REXO1: variants seen among roughly 807,000 people sequenced by gnomAD.
REXO1 encodes REX1, RNA exonuclease 1 homolog.
A neutral mutation model predicts 102.6 loss-of-function variants in REXO1; 42 were observed. That is an observed-to-expected ratio of 0.41 (90% CI 0.32 to 0.53). The LOEUF (loss-of-function observed/expected upper bound fraction) is 0.53. REXO1 is among the 20% of genes least tolerant of loss of function. The pLI, the probability that REXO1 is intolerant of heterozygous loss-of-function variation, is 0.27. For missense variants in REXO1, 1,819 were observed against 1,732.5 expected (o/e 1.05, Z -0.89); for synonymous variants, 908 against 779.1 (o/e 1.17, Z -2.76).
rs1224669908 is a variant in REXO1 at position 1,820,260 on chromosome 19, T to G, written c.2526+4A>C. 6.2e-7 allele frequency: 1 copy of G among 1,611,734 alleles called. No homozygotes were observed. The highest frequency in any genetic ancestry group is 8.5e-7 in the Non-Finnish European group (1 of 1,178,996). ...CCGGCCAGATAGGAACTCCAGGACC[T>G]CACCTTCTCTATGGCCTCCTGGTTG... On this transcript the variant is annotated splice_donor_region_variant and intron_variant, in intron 6 of 15. Coordinates refer to ENST00000170168, the MANE Select transcript of REXO1 (RefSeq NM_020695.4).
rs1371563623 is a variant in REXO1 at position 1,828,585 on chromosome 19, C to G, written c.204G>C (p.Ala68=). 6 of 1,603,422 alleles carry G rather than the reference C, an allele frequency of 3.7e-6. No homozygotes were observed. In the East Asian group the frequency reaches 1.1e-4, roughly 30 times the overall value. The stretch of plus-strand genomic sequence containing the variant: ...GGCCCAGGGTGCCATTCTCCCTCTG[C>G]GCGGGGGGCTTGGGCAGCTCAGGGT... ...PYNPELPKPP[A]QRENGTLGLG... is the part of the protein sequence containing the mutation. Residue 68 remains alanine, a synonymous_variant, in exon 2 of 16, where the codon GCG becomes GCC. Transcript: ENST00000170168.
intron 1 of REXO1, among the ~76,000 whole-genome samples, chr19:1,842,840 G>A (rs1199234346): frequency 6.6e-6 from 1 of 152,198 alleles, no homozygotes; most frequent in Non-Finnish European, 1.5e-5. Context: ...CATTTCCCCA[G>A]GCCAGAAAAT....
chr19:1,827,260 T>C lies in REXO1; in HGVS notation c.1529A>G (p.Lys510Arg). 1.3e-6 allele frequency: 2 copies of C among 1,558,948 alleles called. No individual in the cohort carries two copies. The highest frequency in any genetic ancestry group is 1.7e-6 in the Non-Finnish European group (2 of 1,159,066). The part of the protein sequence containing the change: ...LDEGASQDAP[K>R]LKKRALSHAD... ...GTGGCTCAGGGCCCGCTTCTTCAGC[T>C]TGGGGGCGTCCTGGGAGGCGCCCTC... The change falls in exon 2 of 16, where the codon AAG becomes AGG. Residue 510 changes from lysine (K) to arginine (R), a missense_variant. Transcript: ENST00000170168.
chr19:1,841,717 G>T (rs553491242), intron 1 of REXO1, among the ~76,000 whole-genome samples: 1 of 152,034 alleles, frequency 6.6e-6, no homozygotes. Context: ...CAGGGCTCTG[G>T]GGGGAGCGCT....
Position 1,827,245 on chromosome 19 carries a change from G to A in REXO1, c.1544C>T (p.Ala515Val), listed in dbSNP as rs931464944. ...CCCAAAGAGGTCGGCGTGGCTCAGGGCCCGCTTCTTCAGCTTGGGGGCGTC... is the reference window on the plus strand; with the variant it reads ...CCCAAAGAGGTCGGCGTGGCTCAGGACCCGCTTCTTCAGCTTGGGGGCGTC... Reference protein sequence around the residue: ...SQDAPKLKKRALSHADLFGDE... With the variant: ...SQDAPKLKKRVLSHADLFGDE... Residue 515 changes from alanine to valine, a missense_variant, in exon 2 of 16, where the codon GCC (alanine) becomes GTC (valine). Transcript: ENST00000170168. 19 of 1,553,352 alleles carry A rather than the reference G, an allele frequency of 1.2e-5. No individual in the cohort carries two copies. Among genetic ancestry groups the A allele is most frequent in the African/African-American group, 5.4e-5 (4 of 73,422 alleles).
At chr19:1,830,716 G>A (rs928839710) in intron 1 of REXO1, 1 of 244,426 alleles carries the variant, frequency 4.1e-6, no homozygotes, top group Non-Finnish European at 8.6e-6. Flanking sequence ...CCGTCACTGA[G>A]GGGGCCATGG....
rs147725458 is a variant in REXO1, at chr19:1,816,760, G to A, written c.3255C>T (p.Asp1085=). 177 of 1,611,442 alleles carry A rather than the reference G, an allele frequency of 1.1e-4. No homozygotes were observed. Among genetic ancestry groups the A allele is most frequent in the Middle Eastern group, 3.3e-4 (2 of 6,082 alleles). Reference sequence around the variant, plus strand: ...CGAAGGTGTCATAAACCACGTGCACGTCCGTGTCGACCACCGTGACGCGCG... The same window carrying A: ...CGAAGGTGTCATAAACCACGTGCACATCCGTGTCGACCACCGTGACGCGCG... ...ELTRVTVVDT[D]VHVVYDTFVK... is the part of the protein sequence containing the mutation. Residue 1085 remains aspartate, a synonymous_variant, in exon 13 of 16, where the codon GAC becomes GAT. Transcript: ENST00000170168.
chr19:1,820,918 G>A (rs538971408), intron 5 of REXO1, among the ~76,000 whole-genome samples: 137 of 151,964 alleles, frequency 9.0e-4, no homozygotes, highest in Middle Eastern at 3.4e-3. Flanking sequence ...AGGATCACTT[G>A]AGCCCAGGAG....
chr19:1,834,433 TG>T (rs1045646833), intron 1 of REXO1, among the ~76,000 whole-genome samples: 4 of 152,096 alleles, frequency 2.6e-5, no homozygotes, highest in African/African-American at 9.7e-5. Flanking sequence ...CTTGTTTTGT[TG>T]TTTTGTGGAG....
At chr19:1,842,493 A>G (rs2011330295) in intron 1 of REXO1, among the ~76,000 whole-genome samples, 1 of 152,274 alleles carries the variant, frequency 6.6e-6, no homozygotes, top group South Asian at 2.1e-4. Context: ...TGAAGACCTA[A>G]GCAAAGAATC....
Position 1,823,420 on chromosome 19 carries a change from A to G in REXO1, c.2230+152T>C, listed in dbSNP as rs1194823544. ...CCCCTCAACAGTCCCCATTTCACAG[A>G]CAGGCAGGCTGAGGGCCCCAGGGAG... On this transcript the variant is annotated intron_variant, in intron 4 of 15. Transcript: ENST00000170168. 6.6e-6 allele frequency: 3 copies of G among 457,406 alleles called. 1 individual carries two copies. The highest frequency in any genetic ancestry group is 4.4e-5 in the Admixed American group (1 of 22,774). 28.3% of individuals were successfully genotyped at this position (457,406 alleles called of 1,614,324 possible). A position where few individuals can be genotyped will look rare whatever the true frequency, so the allele number is the denominator to read the frequency against.
At position 1,823,777 on chromosome 19, in the gene REXO1, G is replaced by C. The variant is rs1196163599; in HGVS notation, c.2025C>G (p.Pro675=). The C allele has an allele frequency of 1.6e-6, 2 of 1,242,006 alleles. No individual in the cohort carries two copies. The highest frequency in any genetic ancestry group is 3.1e-5 in the African/African-American group (2 of 64,936). 76.9% of individuals were successfully genotyped at this position (1,242,006 alleles called of 1,614,324 possible). The change falls in exon 4 of 16, where the codon CCC becomes CCG. Residue 675 remains proline (P), a synonymous_variant. Coordinates refer to ENST00000170168, the MANE Select transcript of REXO1 (RefSeq NM_020695.4). The stretch of plus-strand genomic sequence containing the variant: ...GGGGCACCGCGGGACCCCTCCTCGG[G>C]GGCTCCACCTGCGTCACCACAAATG... ...HLSKQGQEVE[P]PRRGPAVPPA...
chr19:1,839,149 G>A (rs989837473), intron 1 of REXO1, among the ~76,000 whole-genome samples: 2 of 151,906 alleles, frequency 1.3e-5, no homozygotes, highest in Admixed American at 6.6e-5. Context: ...CCAGCTACTC[G>A]GGAGGCTGAG....
In REXO1 at chr19:1,825,942, G is replaced by A; in HGVS notation, c.1913C>T (p.Pro638Leu). The change falls in exon 3 of 16, where the codon CCC becomes CTC. Residue 638 changes from proline (P) to leucine (L), a missense_variant and splice_region_variant. Physicochemically the swap from Pro to Leu is moderately conservative, Grantham distance 98. Transcript: ENST00000170168. ...CTCCTCACTCTTCTCTTCCTTGGGG[G>A]GCTAAGACACATGTCCGTCCGTCAG... Reference protein sequence around the residue: ...TEDRGRLARQPPKEEKSEEKG... With the variant: ...TEDRGRLARQLPKEEKSEEKG... 1.9e-6 allele frequency: 3 copies of A among 1,608,046 alleles called. No individual in the cohort carries two copies. Among genetic ancestry groups the A allele is most frequent in the Non-Finnish European group, 2.6e-6 (3 of 1,174,900 alleles).
chr19:1,840,905 A>G (rs1228781474), intron 1 of REXO1, among the ~76,000 whole-genome samples: 1 of 152,172 alleles, frequency 6.6e-6, no homozygotes, highest in African/African-American at 2.4e-5. Flanking sequence ...CTCAGCCCAC[A>G]GCTCGTCCCG....
At chr19:1,833,486 C>T (rs1327219147) in intron 1 of REXO1, among the ~76,000 whole-genome samples, 1 of 152,214 alleles carries the variant, frequency 6.6e-6, no homozygotes, top group Non-Finnish European at 1.5e-5. Flanking sequence ...TGGGAGTCAG[C>T]GAGGGCACCC....
chr19:1,836,630 CAG>C (rs1246595914), intron 1 of REXO1, among the ~76,000 whole-genome samples: 1 of 151,640 alleles, frequency 6.6e-6, no homozygotes, highest in African/African-American at 2.4e-5. Flanking sequence ...CCTATAGTCC[CAG>C]CTACTTGGGA....
At position 1,823,674 on chromosome 19, in the gene REXO1, G is replaced by T; in HGVS notation, c.2128C>A (p.Gln710Lys). The change falls in exon 4 of 16, where the codon CAG becomes AAG. Residue 710 changes from glutamine to lysine, a missense_variant. Coordinates refer to ENST00000170168, the MANE Select transcript of REXO1 (RefSeq NM_020695.4). ...QAQRASASLL[Q>K]APARLAEKSP... ...TTCTCTGCCAGCCTGGCGGGGGCCT[G>T]CAGCAAGCTCGCCGATGCCCTCTGC... is the stretch of plus-strand genomic sequence containing the variant. The T allele has an allele frequency of 7.7e-7, 1 of 1,292,610 alleles. No homozygotes were observed. Among genetic ancestry groups the T allele is most frequent in the Non-Finnish European group, 9.9e-7 (1 of 1,012,182 alleles). The allele number at this position is 1,292,610 out of a possible 1,614,324, so 80.1% of individuals were successfully genotyped here.
Position 1,828,590 on chromosome 19 carries a change from G to A in REXO1, c.199C>T (p.Pro67Ser), listed in dbSNP as rs777707137. 3.1e-6 allele frequency: 5 copies of A among 1,603,282 alleles called. No homozygotes were observed. In the South Asian group the frequency reaches 3.3e-5, roughly 11 times the overall value. Residue 67 changes from proline to serine, a missense_variant, in exon 2 of 16, where the codon CCC becomes TCC. Pro to Ser is a moderately conservative substitution (Grantham distance 74). Transcript: ENST00000170168. ...DPYNPELPKP[P>S]AQRENGTLGL... The stretch of plus-strand genomic sequence containing the variant: ...AGGGTGCCATTCTCCCTCTGCGCGG[G>A]GGGCTTGGGCAGCTCAGGGTTGTAG...
Sources: gnomAD v4.1 joint callset for allele counts (sites outside exome capture counted in the v4.1 genomes callset) on GRCh38, gnomAD v4.1.1 for gene constraint, MANE v1.5 for transcripts, NCBI Gene and HGNC (gene_info 2026-07-23, HGNC 2026-07-21) for gene names.